The following PDE4D variants were observed in gnomAD, a reference collection of about 807,000 sequenced individuals.
PDE4D encodes the protein phosphodiesterase 4D, also known as 3',5'-cyclic-AMP phosphodiesterase 4D.
A neutral mutation model predicts 87.4 loss-of-function variants in PDE4D; 24 were observed. The ratio of observed to expected loss-of-function variants is 0.27; its 90% CI spans 0.20 to 0.39. The LOEUF (loss-of-function observed/expected upper bound fraction) is 0.39. PDE4D is among the 10% of genes least tolerant of loss of function. The probability of loss-of-function intolerance (pLI) is 1.00; values close to 1 mark genes in which losing one functional copy is unlikely to be tolerated. For synonymous variants in PDE4D, 384 were observed against 383.2 expected (o/e 1.00, Z -0.02); for missense variants, 714 against 1,041.0 (o/e 0.69, Z 4.32).
intron 5 of PDE4D, among the ~76,000 whole-genome samples, chr5:59,166,976 A>G (rs971653806): frequency 6.6e-6 from 1 of 152,204 alleles, no homozygotes; most frequent in African/African-American, 2.4e-5. Flanking sequence ...AATAATATTT[A>G]TTGGTAGTTT....
chr5:60,140,219 T>C (rs1780412118), intron 2 of PDE4D, among the ~76,000 whole-genome samples: 1 of 152,108 alleles, frequency 6.6e-6, no homozygotes, highest in South Asian at 2.1e-4. Context: ...CTATCGTATA[T>C]GTTCTACCAA....
intron 1 of PDE4D, among the ~76,000 whole-genome samples, chr5:59,430,950 A>C (rs1326723005): frequency 6.6e-6 from 1 of 152,170 alleles, no homozygotes; most frequent in African/African-American, 2.4e-5. Flanking sequence ...GTATATGGAA[A>C]TGTTATGGGC....
intron 3 of PDE4D, among the ~76,000 whole-genome samples, chr5:59,966,319 A>G (rs537854288): frequency 6.6e-6 from 1 of 152,198 alleles, no homozygotes; most frequent in Admixed American, 6.5e-5. Context: ...TAGAGCCTTA[A>G]TAGAAAGACA....
chr5:59,202,757 A>G (rs1045198461), intron 2 of PDE4D, among the ~76,000 whole-genome samples: 1 of 152,052 alleles, frequency 6.6e-6, no homozygotes, highest in African/African-American at 2.4e-5. Context: ...TGCCATCCAC[A>G]TAAGATGTGA....
intron 2 of PDE4D, among the ~76,000 whole-genome samples, chr5:60,182,726 A>G (rs944080084): frequency 2.6e-5 from 4 of 151,730 alleles, no homozygotes; most frequent in Admixed American, 6.6e-5. Context: ...AAAATGCCAA[A>G]AAAATTAGCC....
intron 6 of PDE4D, among the ~76,000 whole-genome samples, chr5:59,012,647 A>G (rs1753065635): frequency 6.6e-6 from 1 of 152,232 alleles, no homozygotes; most frequent in East Asian, 1.9e-4. Context: ...ACCCAGATTC[A>G]TAAAGCAAGT....
intron 1 of PDE4D, among the ~76,000 whole-genome samples, chr5:59,251,085 AC>A (rs1269354769): frequency 1.3e-5 from 2 of 152,186 alleles, no homozygotes; most frequent in African/African-American, 4.8e-5. Flanking sequence ...CTGGAAGATG[AC>A]CTAGGCAATC....
chr5:60,431,164 C>CG, intron 1 of PDE4D: 2 of 198,322 alleles, frequency 1.0e-5, no homozygotes, highest in South Asian at 6.5e-5. Flanking sequence ...GCTGGCCGGG[C>CG]GGGGGGCTGA....
intron 1 of PDE4D, among the ~76,000 whole-genome samples, chr5:59,549,754 T>C (rs548777634): frequency 6.6e-6 from 1 of 152,150 alleles, no homozygotes; most frequent in African/African-American, 2.4e-5. Context: ...AACACACACA[T>C]GTACACATGC....
At chr5:59,085,565 A>G (rs1767518538) in intron 5 of PDE4D, among the ~76,000 whole-genome samples, 1 of 152,196 alleles carries the variant, frequency 6.6e-6, no homozygotes, top group African/African-American at 2.4e-5. Context: ...CCCTCTTGAG[A>G]GAGTCAAAAG....
At position 59,112,514 on chromosome 5, in the gene PDE4D, G is replaced by T. The variant is rs1168275552; in HGVS notation, c.808+68081C>A. Reference sequence around the variant, plus strand: ...TCCAAGCCAGAGAAGATGGTGGCTTGCAATAGGATGGTAACCATGGAGATG... The same window carrying T: ...TCCAAGCCAGAGAAGATGGTGGCTTTCAATAGGATGGTAACCATGGAGATG... On this transcript the variant is annotated intron_variant, in intron 5 of 14. Transcript: ENST00000340635. Among the ~76,000 whole-genome samples, 4 of 152,170 alleles carry T rather than the reference G, an allele frequency of 2.6e-5. No individual in the cohort carries two copies. In the East Asian group the frequency reaches 7.7e-4, roughly 29 times the overall value.
intron 3 of PDE4D, among the ~76,000 whole-genome samples, chr5:59,908,216 G>A (rs1019050453): frequency 1.3e-5 from 2 of 150,270 alleles, no homozygotes; most frequent in African/African-American, 2.4e-5. Context: ...TGCCTCAAAT[G>A]AACTATGAAG....
At chr5:60,352,130 G>A (rs1411375353) in intron 1 of PDE4D, among the ~76,000 whole-genome samples, 1 of 151,860 alleles carries the variant, frequency 6.6e-6, no homozygotes, top group Non-Finnish European at 1.5e-5. Flanking sequence ...AACTCCTATT[G>A]TGAACTAAAT....
intron 2 of PDE4D, among the ~76,000 whole-genome samples, chr5:60,063,593 G>A (rs1049935565): frequency 3.9e-5 from 6 of 152,076 alleles, no homozygotes; most frequent in African/African-American, 7.2e-5. Flanking sequence ...GAATGAGATC[G>A]AAACAATGCT....
At chr5:60,346,947 G>A (rs867574946) in intron 1 of PDE4D, among the ~76,000 whole-genome samples, 1 of 152,094 alleles carries the variant, frequency 6.6e-6, no homozygotes, top group South Asian at 2.1e-4. Context: ...CACAAACAAT[G>A]CATTGTTCTT....
At chr5:59,221,141 G>A (rs759360706) in intron 1 of PDE4D, among the ~76,000 whole-genome samples, 1 of 152,250 alleles carries the variant, frequency 6.6e-6, no homozygotes, top group South Asian at 2.1e-4. Flanking sequence ...GTATGCTCAA[G>A]CTCATAAGTG....
At chr5:59,248,535 G>A (rs1410333024) in intron 1 of PDE4D, among the ~76,000 whole-genome samples, 1 of 151,984 alleles carries the variant, frequency 6.6e-6, no homozygotes, top group Admixed American at 6.6e-5. Flanking sequence ...ACAAGAAAAG[G>A]TAAAAGTTTC....
At chr5:60,471,782 C>CT in intron 1 of PDE4D, among the ~76,000 whole-genome samples, 1 of 152,226 alleles carries the variant, frequency 6.6e-6, no homozygotes, top group African/African-American at 2.4e-5. Context: ...CTACAGTATA[C>CT]TAGAAATGTA....
chr5:58,999,482 G>T (rs1395088559), intron 6 of PDE4D: 5 of 1,485,150 alleles, frequency 3.4e-6, no homozygotes, highest in Non-Finnish European at 4.6e-6. Flanking sequence ...AGCTAAGTAA[G>T]TCTTACCTTT....
Sources: allele counts gnomAD v4.1 joint callset (sites outside exome capture counted in the v4.1 genomes callset), GRCh38; gene constraint gnomAD v4.1.1; transcripts MANE v1.5; gene names NCBI Gene and HGNC (gene_info 2026-07-23, HGNC 2026-07-21).